The following FSIP1 variants were observed in gnomAD, a reference collection of about 807,000 sequenced individuals.
The protein encoded by FSIP1 is fibrous sheath-interacting protein 1.
A neutral mutation model predicts 60.9 loss-of-function variants in FSIP1; 65 were observed. The observed-to-expected ratio is 1.07, with a 90% CI of 0.87 to 1.31. FSIP1 has a LOEUF of 1.31. FSIP1 is among the 40% of genes most tolerant of loss of function. The pLI is 0.00. For missense variants in FSIP1, 675 were observed against 665.5 expected (o/e 1.01, Z -0.16); for synonymous variants, 209 against 221.2 (o/e 0.94, Z 0.49).
intron 10 of FSIP1, among the ~76,000 whole-genome samples, chr15:39,703,672 C>T (rs988441920): frequency 5.9e-5 from 9 of 152,164 alleles, no homozygotes; most frequent in African/African-American, 2.2e-4. Flanking sequence ...GTGTAGCAAA[C>T]CACCATGGCA....
At chr15:39,714,035 C>G (rs1171093463) in intron 9 of FSIP1, among the ~76,000 whole-genome samples, 1 of 152,138 alleles carries the variant, frequency 6.6e-6, no homozygotes, top group African/African-American at 2.4e-5. Flanking sequence ...GAATCTTTGC[C>G]CTGCCTGGTT....
At chr15:39,692,418 T>C (rs961622144) in intron 10 of FSIP1, among the ~76,000 whole-genome samples, 1 of 152,196 alleles carries the variant, frequency 6.6e-6, no homozygotes, top group African/African-American at 2.4e-5. Context: ...TTACAAATTA[T>C]AAAAGGTCAT....
intron 11 of FSIP1, among the ~76,000 whole-genome samples, chr15:39,605,063 T>C (rs1890773494): frequency 6.6e-6 from 1 of 152,214 alleles, no homozygotes; most frequent in African/African-American, 2.4e-5. Flanking sequence ...CAACCAGGCC[T>C]CATCCAGCAA....
chr15:39,617,272 G>A (rs964607770), intron 11 of FSIP1, among the ~76,000 whole-genome samples: 3 of 152,110 alleles, frequency 2.0e-5, no homozygotes, highest in South Asian at 2.1e-4. Context: ...AGATCGTGAC[G>A]AAACACCTGA....
intron 10 of FSIP1, among the ~76,000 whole-genome samples, chr15:39,640,823 C>T (rs1892338156): frequency 6.6e-6 from 1 of 151,730 alleles, no homozygotes; most frequent in Non-Finnish European, 1.5e-5. Flanking sequence ...CTTATTTGAA[C>T]ATCGTTTGAA....
At chr15:39,638,863 T>C (rs11632117) in intron 10 of FSIP1, among the ~76,000 whole-genome samples, 29,405 of 151,662 alleles carry the variant, frequency 0.19, 3,630 homozygotes, top group African/African-American at 0.33. Context: ...TGGTGGGGGG[T>C]GGTTTTGCCT....
chr15:39,632,942 T>A (rs1891963645), intron 10 of FSIP1, among the ~76,000 whole-genome samples: 1 of 152,074 alleles, frequency 6.6e-6, no homozygotes, highest in African/African-American at 2.4e-5. Context: ...AAGAATTAAT[T>A]GAAGGGTGAT....
rs192592867 is a variant in FSIP1 at position 39,687,809 on chromosome 15, A to G, written c.1188+25635T>C. Among the ~76,000 whole-genome samples, 536 of 152,292 alleles carry G rather than the reference A, an allele frequency of 3.5e-3. 4 individuals are homozygous for G. Among genetic ancestry groups the G allele is most frequent in the African/African-American group, 0.012 (507 of 41,560 alleles). ...AAGCCTCTTCTCTAACTGTGGAAAG[A>G]CTTTACCTCTACCTAACACAGGAGT... is the stretch of plus-strand genomic sequence containing the variant. On this transcript the variant is annotated intron_variant, in intron 10 of 11. Coordinates refer to ENST00000350221, the MANE Select transcript of FSIP1 (RefSeq NM_152597.5).
chr15:39,699,274 A>G (rs1894958179), intron 10 of FSIP1, among the ~76,000 whole-genome samples: 1 of 152,236 alleles, frequency 6.6e-6, no homozygotes, highest in African/African-American at 2.4e-5. Flanking sequence ...AATGTGTACC[A>G]TAGCTATATT....
intron 11 of FSIP1, among the ~76,000 whole-genome samples, chr15:39,601,670 T>C (rs59578395): frequency 0.17 from 25,595 of 152,246 alleles, 2,419 homozygotes; most frequent in African/African-American, 0.23. Context: ...AAATGATGAA[T>C]GGATAAGCAA....
intron 10 of FSIP1, among the ~76,000 whole-genome samples, chr15:39,688,585 T>C (rs1463904052): frequency 6.6e-6 from 1 of 152,174 alleles, no homozygotes; most frequent in African/African-American, 2.4e-5. Flanking sequence ...AGGGACCATC[T>C]GTACTATGAT....
intron 9 of FSIP1, among the ~76,000 whole-genome samples, chr15:39,725,217 G>A (rs111682792): frequency 0.12 from 18,074 of 152,152 alleles, 1,298 homozygotes; most frequent in African/African-American, 0.2. Flanking sequence ...GTGACAGAGC[G>A]AGATTCCGTC....
chr15:39,648,900 T>C (rs535152402), intron 10 of FSIP1, among the ~76,000 whole-genome samples: 37 of 152,190 alleles, frequency 2.4e-4, no homozygotes, highest in Admixed American at 2.2e-3. Context: ...TATATCATTA[T>C]TTAAAAAGGA....
intron 10 of FSIP1, among the ~76,000 whole-genome samples, chr15:39,671,956 C>T (rs1193076298): frequency 1.3e-5 from 2 of 152,164 alleles, no homozygotes; most frequent in African/African-American, 4.8e-5. Context: ...ACAGAGAATC[C>T]AACTAGAGTC....
intron 5 of FSIP1, among the ~76,000 whole-genome samples, chr15:39,744,761 T>C (rs977038603): frequency 1.5e-5 from 2 of 132,654 alleles, no homozygotes; most frequent in Non-Finnish European, 3.1e-5. Context: ...TCTCTCTCTC[T>C]CTCTCTCCCC....
chr15:39,654,418 ATC>A (rs1892993358), intron 10 of FSIP1, among the ~76,000 whole-genome samples: 1 of 152,084 alleles, frequency 6.6e-6, no homozygotes, highest in African/African-American at 2.4e-5. Context: ...CTCCATTATA[ATC>A]TTATGGGACC....
intron 2 of FSIP1, among the ~76,000 whole-genome samples, chr15:39,775,169 C>T (rs1023143513): frequency 2.0e-5 from 3 of 152,162 alleles, no homozygotes; most frequent in African/African-American, 7.2e-5. Flanking sequence ...GCATGTGCCA[C>T]CATGTCCTGC....
At chr15:39,672,581 T>C (rs1025844008) in intron 10 of FSIP1, among the ~76,000 whole-genome samples, 4 of 152,182 alleles carry the variant, frequency 2.6e-5, no homozygotes, top group Non-Finnish European at 2.9e-5. Flanking sequence ...TGAAAGTGCA[T>C]CCAGTATACT....
At chr15:39,782,327 G>A (rs987517966) in intron 1 of FSIP1, among the ~76,000 whole-genome samples, 3 of 152,154 alleles carry the variant, frequency 2.0e-5, no homozygotes, top group African/African-American at 7.2e-5. Context: ...GCCGTTTACG[G>A]TCTAGTTTAA....
Sources: gnomAD v4.1 joint callset for allele counts (sites outside exome capture counted in the v4.1 genomes callset) on GRCh38, gnomAD v4.1.1 for gene constraint, MANE v1.5 for transcripts, NCBI Gene and HGNC (gene_info 2026-07-23, HGNC 2026-07-21) for gene names.